The following RPS6KA2 variants were observed in gnomAD, a reference collection of about 807,000 sequenced individuals.
RPS6KA2 encodes ribosomal protein S6 kinase A2.
RPS6KA2 carries 42 observed loss-of-function variants against 91.8 expected under a neutral mutation model. The ratio of observed to expected loss-of-function variants is 0.46; its 90% CI spans 0.36 to 0.59. The LOEUF is 0.59. Among genes scored for constraint, RPS6KA2 ranks in the 20% least tolerant of loss-of-function variants. The probability of loss-of-function intolerance (pLI) is 0.00; values close to 1 mark genes in which losing one functional copy is unlikely to be tolerated. For missense variants in RPS6KA2, 798 were observed against 978.5 expected, an observed-to-expected ratio of 0.82 and a Z score of 2.46; for synonymous variants, 414 against 393.6, an observed-to-expected ratio of 1.05 and a Z score of -0.61.
chr6:166,810,911 C>T (rs1232968680), intron 2 of RPS6KA2, among the ~76,000 whole-genome samples: 1 of 152,216 alleles, frequency 6.6e-6, no homozygotes, highest in Non-Finnish European at 1.5e-5. Flanking sequence ...ATCACAACCA[C>T]ATGAGACAGT....
intron 2 of RPS6KA2, among the ~76,000 whole-genome samples, chr6:166,693,213 G>A (rs967289285): frequency 2.0e-5 from 3 of 152,202 alleles, no homozygotes; most frequent in Admixed American, 6.5e-5. Context: ...CAGCTCGCAG[G>A]AGGTGCTGCA....
chr6:166,772,890 ATGT>A (rs1369097763), intron 2 of RPS6KA2, among the ~76,000 whole-genome samples: 1 of 152,192 alleles, frequency 6.6e-6, no homozygotes. Flanking sequence ...AACATTAAGA[ATGT>A]TGTTAACTCC....
chr6:166,823,020 T>C (rs1367293435), intron 2 of RPS6KA2, among the ~76,000 whole-genome samples: 1 of 152,230 alleles, frequency 6.6e-6, no homozygotes, highest in Non-Finnish European at 1.5e-5. Flanking sequence ...TATTGGATCT[T>C]GGCAATCACC....
At chr6:166,541,069 C>T (rs145544313) in intron 1 of RPS6KA2, among the ~76,000 whole-genome samples, 4 of 152,344 alleles carry the variant, frequency 2.6e-5, no homozygotes, top group East Asian at 1.9e-4. Context: ...GACTAGCACG[C>T]GCATGAGTCA....
intron 1 of RPS6KA2, among the ~76,000 whole-genome samples, chr6:166,581,340 C>T (rs964445716): frequency 5.3e-5 from 8 of 152,184 alleles, no homozygotes; most frequent in African/African-American, 1.9e-4. Context: ...GCCGACAGCA[C>T]CTGGGCTCCA....
Position 166,495,181 on chromosome 6 carries a change from A to G in RPS6KA2, c.747+3327T>C, listed in dbSNP as rs1781743942. On this transcript the variant is annotated intron_variant, in intron 8 of 20. Coordinates refer to ENST00000265678, the MANE Select transcript of RPS6KA2 (RefSeq NM_021135.6). This position sits in a 1 kb window ranked among gnomAD's most constrained non-coding sequence, Gnocchi z 4.4. ...TTTAGTTTTCATTTCTGTGCACAGAAAGAATACCGTCTTTCCTGCCCGGCT... is the reference window on the plus strand; with the variant it reads ...TTTAGTTTTCATTTCTGTGCACAGAGAGAATACCGTCTTTCCTGCCCGGCT... Among the ~76,000 whole-genome samples the G allele has an allele frequency of 6.6e-6, 1 of 152,334 alleles. No individual in the cohort carries two copies. The highest frequency in any genetic ancestry group is 2.4e-5 in the African/African-American group (1 of 41,582).
chr6:166,577,261 C>T (rs1373847376), intron 1 of RPS6KA2, among the ~76,000 whole-genome samples: 1 of 152,244 alleles, frequency 6.6e-6, no homozygotes, highest in Non-Finnish European at 1.5e-5. Context: ...ACACAGAGTC[C>T]TTACTGTGGC....
At chr6:166,788,984 C>G (rs1188166944) in intron 2 of RPS6KA2, among the ~76,000 whole-genome samples, 1 of 152,198 alleles carries the variant, frequency 6.6e-6, no homozygotes, top group East Asian at 1.9e-4. Flanking sequence ...CCAGGTTCAT[C>G]TCACTAGGGA....
chr6:166,573,152 G>A (rs2128510844), intron 1 of RPS6KA2, among the ~76,000 whole-genome samples: 1 of 152,330 alleles, frequency 6.6e-6, no homozygotes, highest in African/African-American at 2.4e-5. Context: ...TCTGTGGGAA[G>A]CCACATCAGA....
At chr6:166,427,926 T>C (rs1778983437) in intron 16 of RPS6KA2, among the ~76,000 whole-genome samples, 1 of 152,132 alleles carries the variant, frequency 6.6e-6, no homozygotes, top group African/African-American at 2.4e-5. Context: ...CCAATGACTT[T>C]CTTCACAGAA....
chr6:166,506,480 C>T (rs986207869), intron 5 of RPS6KA2, among the ~76,000 whole-genome samples: 2 of 152,204 alleles, frequency 1.3e-5, no homozygotes, highest in African/African-American at 4.8e-5. Flanking sequence ...TGGGCAGACA[C>T]CAGGCTCCAG....
rs143439891 is a variant in RPS6KA2 at position 166,774,932 on chromosome 6, C to A, written c.123+83268G>T. On this transcript the variant is annotated intron_variant, in intron 2 of 21. Transcript: ENST00000503859. ...TGAGCTGTCCTTTATTTTGGATGAGCCCCGTCTTCCAGCTTTTAGGGTTGG... is the reference window on the plus strand; with the variant it reads ...TGAGCTGTCCTTTATTTTGGATGAGACCCGTCTTCCAGCTTTTAGGGTTGG... Among the ~76,000 whole-genome samples the A allele has an allele frequency of 4.1e-3, 614 of 151,468 alleles. 10 individuals are homozygous for A. The highest frequency in any genetic ancestry group is 0.014 in the African/African-American group (575 of 40,824).
In RPS6KA2 at chr6:166,735,166, C is replaced by T. The variant is rs553135415; in HGVS notation, c.123+123034G>A. Among the ~76,000 whole-genome samples, 8 of 152,350 alleles carry T rather than the reference C, an allele frequency of 5.3e-5. No individual in the cohort carries two copies. The East Asian group carries it at 1.5e-3, about 29-fold the overall frequency. ...TAAGAAGAGCTGGAAGGGGCATCCT[C>T]CTGCCCAGCCACTCCGCTTCAGGCT... On this transcript the variant is annotated intron_variant, in intron 2 of 21. Transcript: ENST00000503859.
intron 2 of RPS6KA2, among the ~76,000 whole-genome samples, chr6:166,638,793 C>T (rs1413560035): frequency 1.3e-5 from 2 of 152,062 alleles, no homozygotes; most frequent in South Asian, 2.1e-4. Flanking sequence ...GGGTTGAGGC[C>T]GGGCACTGCT....
At chr6:166,430,808 A>C (rs567749205) in intron 15 of RPS6KA2, among the ~76,000 whole-genome samples, 197 bp from the exon 16 acceptor site, 2 of 152,232 alleles carry the variant, frequency 1.3e-5, no homozygotes, top group South Asian at 2.1e-4. Context: ...TTTTAGGAAG[A>C]AAACGGCTTT....
intron 11 of RPS6KA2, among the ~76,000 whole-genome samples, chr6:166,468,569 T>C (rs1018520934): frequency 2.6e-5 from 4 of 151,852 alleles, no homozygotes; most frequent in African/African-American, 7.3e-5. Context: ...CATGAGGACA[T>C]AAAGAAGACA....
intron 2 of RPS6KA2, among the ~76,000 whole-genome samples, chr6:166,642,838 T>A (rs1198660813): frequency 6.6e-6 from 1 of 152,214 alleles, no homozygotes; most frequent in Non-Finnish European, 1.5e-5. Context: ...ATGTGACGAA[T>A]GTCAGGCACT....
At chr6:166,593,698 A>G (rs773957635) in intron 1 of RPS6KA2, among the ~76,000 whole-genome samples, 1 of 152,226 alleles carries the variant, frequency 6.6e-6, no homozygotes, top group Non-Finnish European at 1.5e-5. Context: ...CTTAATATAT[A>G]AAGAGCTCTT....
chr6:166,505,812 T>C (rs1782197238), intron 5 of RPS6KA2, among the ~76,000 whole-genome samples: 2 of 152,234 alleles, frequency 1.3e-5, no homozygotes, highest in African/African-American at 4.8e-5. Flanking sequence ...TGTATGTTTC[T>C]TTTCTAGATC....
Sources: allele counts gnomAD v4.1 joint callset (sites outside exome capture counted in the v4.1 genomes callset), GRCh38; gene constraint gnomAD v4.1.1; non-coding constraint Gnocchi (gnomAD v3.1); transcripts MANE v1.5; gene names NCBI Gene and HGNC (gene_info 2026-07-23, HGNC 2026-07-21).